CDC25A: variants seen among roughly 807,000 people sequenced by gnomAD.
CDC25A encodes M-phase inducer phosphatase 1.
In CDC25A, 17 loss-of-function variants were observed where a neutral mutation model predicts 64.6. That is an observed-to-expected ratio of 0.26 (90% confidence interval 0.18 to 0.39). The LOEUF (loss-of-function observed/expected upper bound fraction) is 0.39, where lower values mean the gene tolerates loss of function less well. Among genes scored for constraint, CDC25A ranks in the 10% least tolerant of loss-of-function variants. CDC25A has a pLI of 1.00. For missense variants in CDC25A, 473 were observed against 654.8 expected (o/e 0.72, Z 3.03); for synonymous variants, 229 against 238.6 (o/e 0.96, Z 0.37).
chr3:48,187,651 C>T, intron 1 of CDC25A, 127 bp downstream of exon 1: 1 of 939,496 alleles, frequency 1.1e-6, no homozygotes, highest in Non-Finnish European at 1.5e-6. Flanking sequence ...CCTAGCCCGG[C>T]TGTCCCCGAG....
chr3:48,172,099 G>A (rs2032292051), intron 9 of CDC25A, among the ~76,000 whole-genome samples: 1 of 152,182 alleles, frequency 6.6e-6, no homozygotes, highest in Admixed American at 6.5e-5. Flanking sequence ...AGCCCATGGA[G>A]GCTGTACTGA....
intron 9 of CDC25A, among the ~76,000 whole-genome samples, chr3:48,172,331 CCTAG>C (rs1284070981): frequency 6.6e-6 from 1 of 152,204 alleles, no homozygotes; most frequent in Non-Finnish European, 1.5e-5. Flanking sequence ...TAAATGTTTT[CCTAG>C]CTGTCATCTC....
intron 13 of CDC25A, among the ~76,000 whole-genome samples, chr3:48,163,557 T>A (rs928707375): frequency 6.6e-6 from 1 of 152,094 alleles, no homozygotes; most frequent in East Asian, 1.9e-4. Flanking sequence ...TGAGAAGAGA[T>A]TGTGCCACTG....
intron 4 of CDC25A, 30 bp from the exon 5 acceptor site, chr3:48,183,060 G>A (rs747927619): frequency 3.4e-6 from 5 of 1,473,282 alleles, no homozygotes; most frequent in Non-Finnish European, 4.7e-6. Flanking sequence ...AAATAATTAA[G>A]GCACACAAAT....
chr3:48,165,553 G>T, intron 12 of CDC25A, 83 bp downstream of exon 12: 1 of 865,536 alleles, frequency 1.2e-6, no homozygotes, highest in Non-Finnish European at 1.9e-6. Flanking sequence ...TGAGCTAAGT[G>T]GCCAGGTGTC....
intron 5 of CDC25A, chr3:48,181,827 A>T: frequency 1.6e-6 from 1 of 610,202 alleles, no homozygotes; most frequent in South Asian, 2.0e-5. Context: ...CTAATATTAC[A>T]GTGATTTCTA....
chr3:48,164,303 TC>T lies in CDC25A; in HGVS notation c.1322+3del. 1 of 1,568,030 alleles carries T rather than the reference TC, an allele frequency of 6.4e-7. No individual in the cohort carries two copies. Among genetic ancestry groups the T allele is most frequent in the Non-Finnish European group, 8.6e-7 (1 of 1,160,872 alleles). On this transcript the variant is annotated splice_donor_region_variant and intron_variant, in intron 13 of 14. Transcript: ENST00000302506. ...CCCAGAACCCAGTTCCGTGCAGCACTCACATGCGGGGACCTCTCTCAGAAGA... is the reference window on the plus strand; with the variant it reads ...CCCAGAACCCAGTTCCGTGCAGCACTACATGCGGGGACCTCTCTCAGAAGA...
chr3:48,163,170 C>T (rs2031854805), intron 13 of CDC25A, among the ~76,000 whole-genome samples: 1 of 151,062 alleles, frequency 6.6e-6, no homozygotes, highest in South Asian at 2.1e-4. Context: ...GTTATCCCAG[C>T]TACTCAGGAG....
At chr3:48,163,298 A>AAG (rs1553767884) in intron 13 of CDC25A, among the ~76,000 whole-genome samples, 5 of 148,124 alleles carry the variant, frequency 3.4e-5, no homozygotes, top group African/African-American at 1.0e-4. Flanking sequence ...AAAAAAAAAA[A>AAG]AAAGAAAGAA....
chr3:48,163,027 A>G (rs571335618), intron 13 of CDC25A, among the ~76,000 whole-genome samples: 11 of 152,054 alleles, frequency 7.2e-5, no homozygotes, highest in African/African-American at 1.2e-4. Flanking sequence ...CACACCTGTA[A>G]TCCCAGCACT....
chr3:48,159,086 C>CT lies in CDC25A; in HGVS notation c.1435-2dup. ...GGTAGCTAGGGGGCTCACAGTAAGA[C>CT]TGAGGGGACAGGAGAGAATAAGGTT... On this transcript the variant is annotated splice_acceptor_variant, in intron 14 of 14. Transcript: ENST00000302506. LOFTEE classifies it high-confidence loss of function. The CT allele has an allele frequency of 6.2e-7, 1 of 1,614,004 alleles. No homozygotes were observed.
intron 5 of CDC25A, among the ~76,000 whole-genome samples, 196 bp from the exon 6 acceptor site, chr3:48,181,036 T>A (rs1428665847): frequency 6.6e-6 from 1 of 152,238 alleles, no homozygotes; most frequent in Non-Finnish European, 1.5e-5. Flanking sequence ...TAACATCTTT[T>A]TCTTGTCATA....
At chr3:48,178,237 T>C (rs1559962399) in intron 6 of CDC25A, among the ~76,000 whole-genome samples, 1 of 152,232 alleles carries the variant, frequency 6.6e-6, no homozygotes, top group Non-Finnish European at 1.5e-5. Flanking sequence ...TTATAATGGG[T>C]ACTAGAGATA....
intron 12 of CDC25A, 133 bp from the exon 13 acceptor site, chr3:48,164,570 G>T: frequency 1.3e-6 from 1 of 796,388 alleles, no homozygotes; most frequent in Non-Finnish European, 1.8e-6. Context: ...AGTTCTTCTA[G>T]CTGAATAGCC....
Position 48,170,633 on chromosome 3 carries a change from A to G in CDC25A, c.931-2689T>C, listed in dbSNP as rs139883541. Among the ~76,000 whole-genome samples, 550 of 152,268 alleles carry G rather than the reference A, an allele frequency of 3.6e-3. 3 individuals carry two copies. Among genetic ancestry groups the G allele is most frequent in the African/African-American group, 0.012 (518 of 41,554 alleles). ...AGGGAGGCTTCATTACATAGAAATGATTGATTAAACCATTGGCCATGAGTG... is the reference window on the plus strand; with the variant it reads ...AGGGAGGCTTCATTACATAGAAATGGTTGATTAAACCATTGGCCATGAGTG... On this transcript the variant is annotated intron_variant, in intron 9 of 14. Coordinates refer to ENST00000302506, the MANE Select transcript of CDC25A (RefSeq NM_001789.3).
At position 48,174,326 on chromosome 3, in the gene CDC25A, C is replaced by T. The variant is rs1359874087; in HGVS notation, c.888G>A (p.Gly296=). The change falls in exon 9 of 15, where the codon GGG becomes GGA. Residue 296 remains glycine (G), a synonymous_variant. Coordinates refer to ENST00000302506, the MANE Select transcript of CDC25A (RefSeq NM_001789.3). ...GSTKRRKSMS[G]ASPKESTNPE... is the part of the protein sequence containing the mutation. ...GATTAGTTGACTCTTTGGGGCTGGC[C>T]CCAGACATGCTCTTCCTCCTCTTTG... 1.9e-6 allele frequency: 3 copies of T among 1,614,204 alleles called. No individual in the cohort carries two copies. Among genetic ancestry groups the T allele is most frequent in the East Asian group, 2.2e-5 (1 of 44,890 alleles).
At chr3:48,171,670 C>T (rs997490471) in intron 9 of CDC25A, among the ~76,000 whole-genome samples, 2 of 152,118 alleles carry the variant, frequency 1.3e-5, no homozygotes, top group African/African-American at 4.8e-5. Context: ...TGAACCACAG[C>T]ACTCAGCCAG....
intron 10 of CDC25A, among the ~76,000 whole-genome samples, chr3:48,166,627 C>T (rs890445050): frequency 6.6e-6 from 1 of 152,204 alleles, no homozygotes; most frequent in African/African-American, 2.4e-5. Context: ...CCTAGCCCAG[C>T]CTTGAGGAGG....
At chr3:48,183,543 G>A (rs1000527377) in intron 4 of CDC25A, among the ~76,000 whole-genome samples, 6 of 152,098 alleles carry the variant, frequency 3.9e-5, no homozygotes, top group Non-Finnish European at 8.8e-5. Flanking sequence ...CGGGTGTGAT[G>A]GTGTGCACCT....
Sources: allele counts gnomAD v4.1 joint callset (sites outside exome capture counted in the v4.1 genomes callset), GRCh38; gene constraint gnomAD v4.1.1; transcripts MANE v1.5; gene names NCBI Gene and HGNC (gene_info 2026-07-23, HGNC 2026-07-21).